Variants in SLC13A3 observed in about 807,000 individuals in gnomAD.
SLC13A3 encodes the protein Na(+)/dicarboxylate cotransporter 3.
SLC13A3 carries 40 observed loss-of-function variants against 59.0 expected under a neutral mutation model. The observed-to-expected ratio is 0.68, with a 90% CI of 0.53 to 0.88. SLC13A3 has a LOEUF of 0.88. Ranked by LOEUF, SLC13A3 falls within the 40% of genes least tolerant of loss-of-function variation. SLC13A3 has a pLI of 0.00. For missense variants in SLC13A3, 699 were observed against 783.2 expected (o/e 0.89, Z 1.28); for synonymous variants, 317 against 330.3 (o/e 0.96, Z 0.44).
chr20:46,574,466 C>A (rs1280508104), intron 10 of SLC13A3, among the ~76,000 whole-genome samples: 1 of 152,174 alleles, frequency 6.6e-6, no homozygotes, highest in Non-Finnish European at 1.5e-5. Flanking sequence ...CTGGCTGACC[C>A]GCACTTGCAC....
At chr20:46,658,530 T>C (rs1269050608) in intron 1 of SLC13A3, among the ~76,000 whole-genome samples, 2 of 152,174 alleles carry the variant, frequency 1.3e-5, no homozygotes, top group Non-Finnish European at 2.9e-5. Flanking sequence ...CAGAAGTGCA[T>C]TGAGGTCAGG....
Position 46,575,703 on chromosome 20 carries a change from T to C in SLC13A3, c.1220-18A>G. On this transcript the variant is annotated intron_variant, in intron 9 of 12. Transcript: ENST00000279027. ...GTTGGGAGCTGGGCAGAGAGAGGGA[T>C]TCAGCACACACTCAGGGCCGCTCAG... The C allele has an allele frequency of 2.0e-6, 3 of 1,508,842 alleles. No homozygotes were observed. The highest frequency in any genetic ancestry group is 2.7e-6 in the Non-Finnish European group (3 of 1,102,866). The allele number at this position is 1,508,842 out of a possible 1,614,324, so 93.5% of individuals were successfully genotyped here.
At chr20:46,591,282 G>A (rs1413203496) in intron 6 of SLC13A3, among the ~76,000 whole-genome samples, 3 of 152,218 alleles carry the variant, frequency 2.0e-5, no homozygotes, top group Non-Finnish European at 2.9e-5. Flanking sequence ...AACTCTGGAA[G>A]GTTACACAAG....
At chr20:46,659,785 T>A (rs1408776044) in intron 1 of SLC13A3, among the ~76,000 whole-genome samples, 1 of 136,540 alleles carries the variant, frequency 7.3e-6, no homozygotes, top group East Asian at 2.1e-4. Context: ...TGTAAAAAAA[T>A]TCCATTTACC....
At chr20:46,638,430 G>A (rs755101808) in intron 1 of SLC13A3, among the ~76,000 whole-genome samples, 45 of 152,230 alleles carry the variant, frequency 3.0e-4, no homozygotes, top group Non-Finnish European at 4.8e-4. Context: ...AAGCGGGGCC[G>A]TGGGCGGCGG....
intron 1 of SLC13A3, among the ~76,000 whole-genome samples, chr20:46,677,374 C>A (rs2122946368): frequency 6.6e-6 from 1 of 152,312 alleles, no homozygotes; most frequent in South Asian, 2.1e-4. Flanking sequence ...AAGCCCCCTC[C>A]AAATCACTGC....
In SLC13A3 at chr20:46,561,439, T is replaced by C. The variant is rs567420442; in HGVS notation, c.1633-1241A>G. ...TGGGGTTCACAGGGGCCACCATGGC[T>C]TCAGCACTTCTCTGCTCCTGTCAGT... is the stretch of plus-strand genomic sequence containing the variant. On this transcript the variant is annotated intron_variant, in intron 12 of 12. Transcript: ENST00000279027. 2.0e-5 allele frequency among the ~76,000 whole-genome samples: 3 copies of C among 152,284 alleles called. No individual in the cohort carries two copies. In the South Asian group the frequency reaches 6.2e-4, roughly 32 times the overall value.
chr20:46,647,788 C>A (rs892550313), intron 1 of SLC13A3, among the ~76,000 whole-genome samples: 2 of 152,150 alleles, frequency 1.3e-5, no homozygotes, highest in Non-Finnish European at 2.9e-5. Context: ...CCTAGAACAG[C>A]AAAGCAGCAG....
At chr20:46,630,940 T>C (rs1257321552) in intron 1 of SLC13A3, among the ~76,000 whole-genome samples, 1 of 152,222 alleles carries the variant, frequency 6.6e-6, no homozygotes, top group East Asian at 1.9e-4. Flanking sequence ...TGGTTATTAA[T>C]ATAAGGTAAC....
intron 1 of SLC13A3, among the ~76,000 whole-genome samples, chr20:46,665,683 T>C (rs1381478209): frequency 6.6e-6 from 1 of 152,270 alleles, no homozygotes; most frequent in Admixed American, 6.5e-5. Context: ...TTTCTGGCTA[T>C]TATGAATAAT....
At chr20:46,643,084 C>G (rs1279299250) in intron 1 of SLC13A3, among the ~76,000 whole-genome samples, 1 of 151,946 alleles carries the variant, frequency 6.6e-6, no homozygotes, top group Non-Finnish European at 1.5e-5. Flanking sequence ...TCGAGACATA[C>G]TTATGAGCAC....
intron 6 of SLC13A3, 65 bp from the exon 7 acceptor site, chr20:46,589,320 A>C: frequency 7.4e-7 from 1 of 1,354,830 alleles, no homozygotes; most frequent in African/African-American, 1.4e-5. Context: ...CACCTACAAC[A>C]AGCACCACCA....
At chr20:46,674,604 C>CGCGCGTGTGTGTGTGT (rs370861850), upstream of SLC13A3, among the ~76,000 whole-genome samples, 1 of 127,882 alleles carries the variant, frequency 7.8e-6, no homozygotes, top group African/African-American at 3.2e-5. Context: ...CGCGCGCGCG[C>CGCGCGTGTGTGTGTGT]GTGTGTGTGT....
chr20:46,566,635 C>A (rs56923216), intron 10 of SLC13A3, among the ~76,000 whole-genome samples: 40,955 of 151,712 alleles, frequency 0.27, 5,654 homozygotes, highest in Middle Eastern at 0.34. Context: ...GGGACCCAAA[C>A]CCCTGGGTCT....
upstream of SLC13A3, among the ~76,000 whole-genome samples, chr20:46,654,493 C>T (rs900904449): frequency 6.6e-6 from 1 of 152,140 alleles, no homozygotes; most frequent in African/African-American, 2.4e-5. Context: ...TTTAGAACCA[C>T]ATCAGTGTTT....
chr20:46,596,317 C>G lies in SLC13A3; in HGVS notation c.634G>C (p.Val212Leu). 4 of 1,614,150 alleles carry G rather than the reference C, an allele frequency of 2.5e-6. No homozygotes were observed. Among genetic ancestry groups the G allele is most frequent in the Non-Finnish European group, 3.4e-6 (4 of 1,180,022 alleles). Reference sequence around the variant, plus strand: ...GAGTCAGCCGGCAGATCCAGTGGAACCTCTGTCTCCCCAGGGTGGTCTTTG... The same window carrying G: ...GAGTCAGCCGGCAGATCCAGTGGAAGCTCTGTCTCCCCAGGGTGGTCTTTG... ...EAKDHPGETEVPLDLPADSRK... is the reference protein window; with the variant it reads ...EAKDHPGETELPLDLPADSRK... Residue 212 changes from valine (V) to leucine (L), a missense_variant, in exon 5 of 13, where the codon GTT becomes CTT. By Grantham distance (32) the Val-to-Leu change is conservative. Transcript: ENST00000279027.
rs527638420 is a variant in SLC13A3, at chr20:46,609,039, A to G, written c.541+1407T>C. On this transcript the variant is annotated intron_variant, in intron 3 of 12. Coordinates refer to ENST00000279027, the MANE Select transcript of SLC13A3 (RefSeq NM_022829.6). Reference sequence around the variant, plus strand: ...AAGTTTCAGCCTTTCCTCAGAGAGGAAAGTATTGGGTTCTATTCCTAAAAG... The same window carrying G: ...AAGTTTCAGCCTTTCCTCAGAGAGGGAAGTATTGGGTTCTATTCCTAAAAG... The G allele has an allele frequency of 1.8e-4, 285 of 1,550,604 alleles. No individual in the cohort carries two copies. The African/African-American group carries it at 2.6e-3, about 14-fold the overall frequency.
At chr20:46,647,574 T>C (rs2122874948) in intron 1 of SLC13A3, among the ~76,000 whole-genome samples, 1 of 152,288 alleles carries the variant, frequency 6.6e-6, no homozygotes, top group Admixed American at 6.5e-5. Flanking sequence ...GGATCCCCAG[T>C]GGTGCTGGAA....
chr20:46,681,295 G>A (rs1353024133), intron 1 of SLC13A3, among the ~76,000 whole-genome samples: 9 of 152,210 alleles, frequency 5.9e-5, no homozygotes, highest in Non-Finnish European at 1.3e-4. Context: ...CACAGTGCCT[G>A]CTACACTTAG....
Sources: gnomAD v4.1 joint callset for allele counts (sites outside exome capture counted in the v4.1 genomes callset) on GRCh38, gnomAD v4.1.1 for gene constraint, MANE v1.5 for transcripts, NCBI Gene and HGNC (gene_info 2026-07-23, HGNC 2026-07-21) for gene names.